Variants in GPR107 observed in about 807,000 individuals in gnomAD.
GPR107 encodes the protein G protein-coupled receptor 107, also known as protein GPR107.
A neutral mutation model predicts 75.5 loss-of-function variants in GPR107; 31 were observed. That is an observed-to-expected ratio of 0.41 (90% confidence interval 0.31 to 0.55). GPR107 has a LOEUF of 0.55. Among genes scored for constraint, GPR107 ranks in the 20% least tolerant of loss-of-function variants. The pLI, the probability that GPR107 is intolerant of heterozygous loss-of-function variation, is 0.26. For missense variants in GPR107, 572 were observed against 665.7 expected (o/e 0.86, Z 1.55); for synonymous variants, 267 against 251.3 (o/e 1.06, Z -0.59).
At chr9:130,113,245 CTTTT>C (rs10564750) in intron 14 of GPR107, among the ~76,000 whole-genome samples, 75,173 of 128,856 alleles carry the variant, frequency 0.58, 20,704 homozygotes, top group East Asian at 0.78. Flanking sequence ...TTTCCCAGAT[CTTTT>C]TTTTTTTTTT....
intron 12 of GPR107, among the ~76,000 whole-genome samples, chr9:130,102,509 A>G (rs1831059596): frequency 6.6e-6 from 1 of 152,236 alleles, no homozygotes; most frequent in Admixed American, 6.5e-5. Flanking sequence ...GAAGATAAGG[A>G]CATTTAACAA....
intron 13 of GPR107, among the ~76,000 whole-genome samples, chr9:130,105,322 C>T (rs758994626): frequency 4.0e-5 from 6 of 151,732 alleles, no homozygotes; most frequent in Non-Finnish European, 8.8e-5. Flanking sequence ...GGCTCAATCT[C>T]GGCCCACTGC....
In GPR107 at chr9:130,064,185, CTTTTTT is replaced by C. The variant is rs1045833413; in HGVS notation, c.141+10130_141+10135del. Among the ~76,000 whole-genome samples the C allele has an allele frequency of 3.9e-3, 318 of 82,566 alleles. 1 individual carries two copies. Among genetic ancestry groups the C allele is most frequent in the African/African-American group, 0.015 (304 of 20,758 alleles). The allele number at this position is 82,566 out of a possible 152,430, so 54.2% of individuals were successfully genotyped here. A position where few individuals can be genotyped will look rare whatever the true frequency, so the allele number is the denominator to read the frequency against. ...GTATCTGAACTATAAAATAGCTTTTCTTTTTTTTTTTTTTTTTTTTTTTGAGACGGA... is the reference window on the plus strand; with the variant it reads ...GTATCTGAACTATAAAATAGCTTTTCTTTTTTTTTTTTTTTTTGAGACGGA... On this transcript the variant is annotated intron_variant, in intron 1 of 17. Coordinates refer to ENST00000347136, the MANE Select transcript of GPR107 (RefSeq NM_020960.5).
At chr9:130,124,849 G>A in intron 14 of GPR107, 66 bp from the exon 15 acceptor site, 2 of 964,800 alleles carry the variant, frequency 2.1e-6, no homozygotes, top group Non-Finnish European at 3.2e-6. Flanking sequence ...GAAGGTATCT[G>A]AATGAGGCTT....
intron 1 of GPR107, among the ~76,000 whole-genome samples, chr9:130,070,669 A>G (rs1353705464): frequency 2.0e-5 from 3 of 152,188 alleles, no homozygotes; most frequent in East Asian, 1.9e-4. Flanking sequence ...GAAATTCACG[A>G]AAGTATAAAA....
At chr9:130,096,321 A>G (rs1267803824) in intron 9 of GPR107, among the ~76,000 whole-genome samples, 1 of 151,922 alleles carries the variant, frequency 6.6e-6, no homozygotes, top group Admixed American at 6.6e-5. Flanking sequence ...GAGCCCAGAA[A>G]CTGATATCCC....
intron 4 of GPR107, among the ~76,000 whole-genome samples, chr9:130,079,001 C>T (rs746340906): frequency 1.6e-4 from 24 of 152,210 alleles, no homozygotes; most frequent in Non-Finnish European, 3.1e-4. Context: ...CTCTGTGGCC[C>T]AGGCTGGAGT....
intron 7 of GPR107, among the ~76,000 whole-genome samples, chr9:130,089,667 A>C (rs1830689360): frequency 6.6e-6 from 1 of 152,052 alleles, no homozygotes; most frequent in South Asian, 2.1e-4. Context: ...TTAAACTTTC[A>C]TATCTTTTTT....
chr9:130,084,503 C>A (rs765374418), intron 6 of GPR107, among the ~76,000 whole-genome samples: 1 of 151,364 alleles, frequency 6.6e-6, no homozygotes, highest in Admixed American at 6.6e-5. Flanking sequence ...CCTGGCTGGG[C>A]ATGGTGGCTT....
At chr9:130,057,680 A>AT (rs1829826084) in intron 1 of GPR107, among the ~76,000 whole-genome samples, 1 of 151,684 alleles carries the variant, frequency 6.6e-6, no homozygotes. Flanking sequence ...CTTATTTTTT[A>AT]TTATTTTTAA....
At chr9:130,115,125 G>C (rs1831390745) in intron 14 of GPR107, among the ~76,000 whole-genome samples, 1 of 151,118 alleles carries the variant, frequency 6.6e-6, no homozygotes, top group South Asian at 2.1e-4. Flanking sequence ...TCCTTGATTG[G>C]TGGTTTTTAT....
intron 1 of GPR107, among the ~76,000 whole-genome samples, chr9:130,068,360 CT>C (rs1170843344): frequency 6.6e-6 from 1 of 151,430 alleles, no homozygotes; most frequent in African/African-American, 2.4e-5. Context: ...TTTTTCTTCT[CT>C]TTTTTTAAAT....
At chr9:130,105,229 C>T (rs568178395) in intron 13 of GPR107, among the ~76,000 whole-genome samples, 2 of 152,032 alleles carry the variant, frequency 1.3e-5, no homozygotes, top group East Asian at 1.9e-4. Context: ...AGATTCACCC[C>T]GGCCTTCCAT....
chr9:130,134,974 T>C, intron 17 of GPR107, 51 bp from the exon 18 acceptor site: 1 of 1,060,610 alleles, frequency 9.4e-7, no homozygotes, highest in Non-Finnish European at 1.4e-6. Flanking sequence ...AGATGGCCTT[T>C]TACTAAGAGA....
intron 9 of GPR107, among the ~76,000 whole-genome samples, chr9:130,098,116 T>G (rs1324932845): frequency 6.6e-6 from 1 of 151,502 alleles, no homozygotes; most frequent in Non-Finnish European, 1.5e-5. Context: ...CTCTTGGGCT[T>G]AAGTAATCTT....
intron 14 of GPR107, chr9:130,114,762 A>G: frequency 1.1e-6 from 1 of 921,994 alleles, no homozygotes; most frequent in Non-Finnish European, 1.3e-6. Flanking sequence ...AATTTTTAAA[A>G]GTGTGAAAAG....
intron 14 of GPR107, among the ~76,000 whole-genome samples, chr9:130,117,750 A>G (rs1831460860): frequency 1.4e-5 from 2 of 143,780 alleles, no homozygotes; most frequent in South Asian, 4.4e-4. Flanking sequence ...AGCAGGCAAC[A>G]AGGATGAAGA....
rs547676549 is a variant in GPR107 at position 130,090,112 on chromosome 9, GTA to G, written c.622-756_622-755del. On this transcript the variant is annotated intron_variant, in intron 7 of 17. Coordinates refer to ENST00000347136, the MANE Select transcript of GPR107 (RefSeq NM_020960.5). Reference sequence around the variant, plus strand: ...CTAGCTTTTCTTTGTAGTTTAATAGGTATATATATGTAGCCCTAAAAATGTAT... The same window carrying G: ...CTAGCTTTTCTTTGTAGTTTAATAGGTATATATGTAGCCCTAAAAATGTAT... Among the ~76,000 whole-genome samples, 22 of 152,106 alleles carry G rather than the reference GTA, an allele frequency of 1.4e-4. No homozygotes were observed. The South Asian group carries it at 4.1e-3, about 29-fold the overall frequency.
chr9:130,099,993 C>T (rs1211077640), intron 10 of GPR107, among the ~76,000 whole-genome samples: 2 of 147,732 alleles, frequency 1.4e-5, no homozygotes, highest in African/African-American at 5.0e-5. Context: ...CCCTCAGGTT[C>T]ACGCCATTCT....
Sources: allele counts gnomAD v4.1 joint callset (sites outside exome capture counted in the v4.1 genomes callset), GRCh38; gene constraint gnomAD v4.1.1; transcripts MANE v1.5; gene names NCBI Gene and HGNC (gene_info 2026-07-23, HGNC 2026-07-21).